The following RIPOR2 variants were observed in gnomAD, a reference collection of about 807,000 sequenced individuals.
The protein encoded by RIPOR2 is rho family-interacting cell polarization regulator 2.
RIPOR2 carries 39 observed loss-of-function variants against 114.5 expected under a neutral mutation model. The ratio of observed to expected loss-of-function variants is 0.34; its 90% confidence interval spans 0.26 to 0.44. RIPOR2 has a LOEUF of 0.44. Ranked by LOEUF, RIPOR2 falls within the 20% of genes least tolerant of loss-of-function variation. The probability of loss-of-function intolerance (pLI) is 1.00; values close to 1 mark genes in which losing one functional copy is unlikely to be tolerated. For missense variants in RIPOR2, 1,007 were observed against 1,255.1 expected, an observed-to-expected ratio of 0.80 and a Z score of 2.99; for synonymous variants, 445 against 484.4, an observed-to-expected ratio of 0.92 and a Z score of 1.07.
chr6:24,971,737 C>T (rs796787832), intron 1 of RIPOR2, among the ~76,000 whole-genome samples: 37 of 152,310 alleles, frequency 2.4e-4, no homozygotes, highest in African/African-American at 8.4e-4. Context: ...CAGATCCCAA[C>T]GCCGGCAGGC....
intron 18 of RIPOR2, among the ~76,000 whole-genome samples, chr6:24,825,925 C>CTTTTT (rs11454820): frequency 1.7e-4 from 22 of 126,288 alleles, no homozygotes; most frequent in East Asian, 2.2e-4. Context: ...ATGTTTTTCT[C>CTTTTT]TTTTTTTTTT....
intron 1 of RIPOR2, among the ~76,000 whole-genome samples, chr6:25,040,120 CTT>C (rs11384967): frequency 5.5e-5 from 8 of 144,820 alleles, no homozygotes; most frequent in Admixed American, 6.8e-5. Context: ...TAGACTTCTA[CTT>C]TTTTTTTTTT....
chr6:24,840,111 G>A, intron 13 of RIPOR2: 1 of 706,296 alleles, frequency 1.4e-6, no homozygotes, highest in Non-Finnish European at 1.7e-6. Flanking sequence ...CACCACACCA[G>A]GCTAATTTTT....
At chr6:24,859,826 C>G (rs765220673) in intron 8 of RIPOR2, among the ~76,000 whole-genome samples, 24 of 152,168 alleles carry the variant, frequency 1.6e-4, no homozygotes, top group Non-Finnish European at 2.9e-4. Flanking sequence ...TTTCTTTACT[C>G]CCTTAATTGC....
At position 24,954,300 on chromosome 6, in the gene RIPOR2, T is replaced by C. The variant is rs180776431; in HGVS notation, c.77-78483A>G. On this transcript the variant is annotated intron_variant, in intron 1 of 13. Transcript: ENST00000510784. The stretch of plus-strand genomic sequence containing the variant: ...AGATACAAACACCCTGGCACAATTA[T>C]GATCCTTGGCAGAATGTTGACTTTA... Among the ~76,000 whole-genome samples, 306 of 152,272 alleles carry C rather than the reference T, an allele frequency of 2.0e-3. 4 individuals are homozygous for C. Among genetic ancestry groups the C allele is most frequent in the East Asian group, 0.02 (103 of 5,190 alleles).
At chr6:24,862,808 C>A (rs1364650792) in intron 7 of RIPOR2, among the ~76,000 whole-genome samples, 1 of 150,738 alleles carries the variant, frequency 6.6e-6, no homozygotes, top group Non-Finnish European at 1.5e-5. Context: ...ACTGGCACCC[C>A]CCCACCACCC....
chr6:25,019,836 C>T (rs975985997), intron 1 of RIPOR2, among the ~76,000 whole-genome samples: 7 of 145,632 alleles, frequency 4.8e-5, no homozygotes, highest in Non-Finnish European at 7.6e-5. Context: ...AAAAAGATGT[C>T]AATAAGTATG....
Position 24,806,273 on chromosome 6 carries a change from C to G in RIPOR2, c.*100G>C. The G allele has an allele frequency of 1.2e-6, 1 of 816,362 alleles. No individual in the cohort carries two copies. Among genetic ancestry groups the G allele is most frequent in the Non-Finnish European group, 2.0e-6 (1 of 498,306 alleles). The allele number at this position is 816,362 out of a possible 1,614,324, so 50.6% of individuals were successfully genotyped here. On this transcript the variant is annotated 3_prime_UTR_variant, in exon 22 of 22. Coordinates refer to ENST00000643898, the MANE Select transcript of RIPOR2 (RefSeq NM_001286445.3). ...TGGCCTACATTTTTATTTCAGTTGT[C>G]GTGTCTCTCAGGCTCTAAACAATTT... is the stretch of plus-strand genomic sequence containing the variant.
At chr6:24,975,018 T>C (rs1251454922) in intron 1 of RIPOR2, among the ~76,000 whole-genome samples, 2 of 152,188 alleles carry the variant, frequency 1.3e-5, no homozygotes, top group African/African-American at 2.4e-5. Flanking sequence ...TGACTGCTAA[T>C]GGGTATGGGG....
chr6:24,985,104 G>A (rs566967966), intron 1 of RIPOR2, among the ~76,000 whole-genome samples: 128 of 152,296 alleles, frequency 8.4e-4, no homozygotes, highest in Non-Finnish European at 1.1e-3. Context: ...CTTTTTTACC[G>A]TAAACAATTC....
chr6:25,031,210 T>C (rs1002329840), intron 1 of RIPOR2: 1 of 152,226 alleles, frequency 6.6e-6, no homozygotes, highest in Non-Finnish European at 1.5e-5. Flanking sequence ...GAGCACACTA[T>C]ACCCCAGAAC....
intron 7 of RIPOR2, among the ~76,000 whole-genome samples, chr6:24,862,140 A>ATTGCAGT (rs1764127250): frequency 6.6e-6 from 1 of 152,268 alleles, no homozygotes; most frequent in Non-Finnish European, 1.5e-5. Flanking sequence ...GAGGACCTAA[A>ATTGCAGT]TAGAACAATT....
rs181727575 is a variant in RIPOR2, at chr6:25,005,215, C to T, written c.76+36636G>A. 1.4e-4 allele frequency among the ~76,000 whole-genome samples: 21 copies of T among 152,160 alleles called. 1 individual carries two copies. Among genetic ancestry groups the T allele is most frequent in the Admixed American group, 1.3e-3 (20 of 15,278 alleles). On this transcript the variant is annotated intron_variant, in intron 1 of 13. Transcript: ENST00000510784. ...GTAACACTTCACACTGTTGTGGTCA[C>T]CAGAGGTTGAAGGAGGCCCTGGGGT...
chr6:24,847,808 T>A, intron 12 of RIPOR2: 1 of 1,180,204 alleles, frequency 8.5e-7, no homozygotes, highest in Non-Finnish European at 1.2e-6. Flanking sequence ...TATATGCACT[T>A]CTTTAAAAGG....
chr6:25,026,614 G>A (rs2113735852), intron 1 of RIPOR2, among the ~76,000 whole-genome samples: 1 of 152,282 alleles, frequency 6.6e-6, no homozygotes, highest in African/African-American at 2.4e-5. Flanking sequence ...TATTTTAAGA[G>A]AAAAGAGTTT....
rs1776577255 is a variant in RIPOR2 at position 25,025,625 on chromosome 6, C to T, written c.76+16226G>A. Among the ~76,000 whole-genome samples the T allele has an allele frequency of 2.0e-5, 3 of 152,194 alleles. No homozygotes were observed. The South Asian group carries it at 6.2e-4, about 32-fold the overall frequency. On this transcript the variant is annotated intron_variant, in intron 1 of 13. Transcript: ENST00000510784. ...AAATTTAATTGTTTTTAGAATATAA[C>T]TGATTAAAACGAAAACTGAATGTTG...
Position 24,931,702 on chromosome 6 carries a change from C to T in RIPOR2, c.61+4136G>A, listed in dbSNP as rs189401433. Among the ~76,000 whole-genome samples the T allele has an allele frequency of 6.2e-4, 94 of 152,334 alleles. 1 individual carries two copies. Among genetic ancestry groups the T allele is most frequent in the African/African-American group, 2.2e-3 (90 of 41,586 alleles). On this transcript the variant is annotated intron_variant, in intron 1 of 21. Coordinates refer to ENST00000643898, the MANE Select transcript of RIPOR2 (RefSeq NM_001286445.3). ...AAGGCATGTAAGTGTCCAGGAAATA[C>T]AAGAACCTGAGAAATACTTTGCACA...
intron 1 of RIPOR2, among the ~76,000 whole-genome samples, chr6:24,946,525 A>T (rs1772416869): frequency 6.6e-6 from 1 of 152,038 alleles, no homozygotes; most frequent in Admixed American, 6.6e-5. Context: ...GTGAGCTAAG[A>T]TCGCACCACT....
At chr6:25,040,823 C>T (rs555426464) in intron 1 of RIPOR2, among the ~76,000 whole-genome samples, 14 of 152,108 alleles carry the variant, frequency 9.2e-5, no homozygotes, top group African/African-American at 2.7e-4. Context: ...GATCTCTTGA[C>T]GTCATGATCC....
Sources: gnomAD v4.1 joint callset for allele counts (sites outside exome capture counted in the v4.1 genomes callset) on GRCh38, gnomAD v4.1.1 for gene constraint, MANE v1.5 for transcripts, NCBI Gene and HGNC (gene_info 2026-07-23, HGNC 2026-07-21) for gene names.